The following WWOX variants were observed in gnomAD, a reference collection of about 807,000 sequenced individuals.
WWOX encodes the protein WW domain-containing oxidoreductase.
Under a neutral mutation model 46.2 loss-of-function variants are expected in WWOX, and 69 were observed. The ratio of observed to expected loss-of-function variants is 1.49; its 90% confidence interval spans 1.23 to 1.82. The LOEUF is 1.82. Ranked by LOEUF, WWOX falls within the 40% of genes most tolerant of loss-of-function variation. The probability of loss-of-function intolerance (pLI) is 0.00; values close to 1 mark genes in which losing one functional copy is unlikely to be tolerated. For synonymous variants in WWOX, 359 were observed against 202.6 expected (o/e 1.77, Z -6.56); for missense variants, 919 against 542.6 (o/e 1.69, Z -6.89).
chr16:78,725,994 T>C (rs372618198), intron 8 of WWOX, among the ~76,000 whole-genome samples: 7 of 150,968 alleles, frequency 4.6e-5, no homozygotes, highest in African/African-American at 1.7e-4. Context: ...TTCTCCTCCT[T>C]CTCCTTCTTC....
intron 8 of WWOX, among the ~76,000 whole-genome samples, chr16:79,085,753 A>G (rs1375016263): frequency 6.6e-6 from 1 of 152,216 alleles, no homozygotes; most frequent in Non-Finnish European, 1.5e-5. Flanking sequence ...ATTAGCAGAA[A>G]TGTAGTCAGT....
chr16:78,682,515 G>A (rs2047753526), intron 8 of WWOX, among the ~76,000 whole-genome samples: 1 of 152,090 alleles, frequency 6.6e-6, no homozygotes, highest in Non-Finnish European at 1.5e-5. Context: ...CCCAGGAGTT[G>A]GAGGCTGCAA....
chr16:78,529,437 C>T (rs1291075806), intron 8 of WWOX, among the ~76,000 whole-genome samples: 1 of 151,804 alleles, frequency 6.6e-6, no homozygotes, highest in African/African-American at 2.4e-5. Context: ...GTCCCGTGGG[C>T]TCTTTCTGGA....
intron 8 of WWOX, among the ~76,000 whole-genome samples, chr16:78,860,815 G>C (rs1330687757): frequency 6.6e-6 from 1 of 152,004 alleles, no homozygotes; most frequent in Admixed American, 6.6e-5. Flanking sequence ...CAGGCTATAG[G>C]GAGGATTTCT....
At chr16:78,362,873 G>C (rs8057163) in intron 5 of WWOX, among the ~76,000 whole-genome samples, 1 of 152,142 alleles carries the variant, frequency 6.6e-6, no homozygotes, top group African/African-American at 2.4e-5. Context: ...GTGAGTTTCC[G>C]AAGTTGCTAA....
At chr16:78,471,308 T>A (rs1353460785) in intron 8 of WWOX, among the ~76,000 whole-genome samples, 1 of 152,196 alleles carries the variant, frequency 6.6e-6, no homozygotes, top group Non-Finnish European at 1.5e-5. Context: ...TTCAGAGGGA[T>A]TCTGGGTAGC....
chr16:78,891,769 T>C (rs1385792356), intron 8 of WWOX: 1 of 141,672 alleles, frequency 7.1e-6, no homozygotes, highest in Admixed American at 6.7e-5. Context: ...AATCCACTGC[T>C]GGGTATTCTT....
chr16:78,736,785 T>A (rs570472744), intron 8 of WWOX, among the ~76,000 whole-genome samples: 38 of 152,164 alleles, frequency 2.5e-4, no homozygotes, highest in South Asian at 1.0e-3. Flanking sequence ...TTTTTAAAAA[T>A]TTTTTTAGAC....
At chr16:78,982,284 GA>G (rs1441151652) in intron 8 of WWOX, among the ~76,000 whole-genome samples, 8 of 152,290 alleles carry the variant, frequency 5.3e-5, no homozygotes, top group African/African-American at 1.7e-4. Flanking sequence ...GAATCACTTT[GA>G]CTTTGAAAGC....
chr16:78,418,478 C>G (rs944534756), intron 6 of WWOX, among the ~76,000 whole-genome samples: 1 of 151,908 alleles, frequency 6.6e-6, no homozygotes, highest in African/African-American at 2.4e-5. Flanking sequence ...ACTCTGACAA[C>G]AGAGGCAGAC....
At chr16:78,109,670 G>T in intron 2 of WWOX, 108 bp from the exon 3 acceptor site, 1 of 1,077,306 alleles carries the variant, frequency 9.3e-7, no homozygotes, top group Non-Finnish European at 1.4e-6. Context: ...CTGCTGGGTG[G>T]GAGGGACAGG....
At chr16:78,733,150 G>A (rs1195883487) in intron 8 of WWOX, among the ~76,000 whole-genome samples, 2 of 152,030 alleles carry the variant, frequency 1.3e-5, no homozygotes, top group Non-Finnish European at 2.9e-5. Context: ...ATTTACTTAT[G>A]TTTTTATGCA....
chr16:78,842,432 G>T lies in WWOX; in HGVS notation c.1057-369176G>T, dbSNP rs375844222. 1.4e-4 allele frequency among the ~76,000 whole-genome samples: 21 copies of T among 152,160 alleles called. No homozygotes were observed. In the South Asian group the frequency reaches 4.2e-3, roughly 30 times the overall value. On this transcript the variant is annotated intron_variant, in intron 8 of 8. Coordinates refer to ENST00000566780, the MANE Select transcript of WWOX (RefSeq NM_016373.4). ...ATGGGAGAATTGCTTGAGGCTGGATGTGTGTGGCTATGGTGAGCTAGGATC... is the reference window on the plus strand; with the variant it reads ...ATGGGAGAATTGCTTGAGGCTGGATTTGTGTGGCTATGGTGAGCTAGGATC...
intron 8 of WWOX, among the ~76,000 whole-genome samples, chr16:78,785,570 A>G (rs1265529358): frequency 1.3e-5 from 2 of 152,256 alleles, no homozygotes; most frequent in Non-Finnish European, 2.9e-5. Context: ...GAAGAAGAAT[A>G]GTATACACAG....
chr16:79,084,419 A>C (rs1026526210), intron 8 of WWOX, among the ~76,000 whole-genome samples: 1 of 152,188 alleles, frequency 6.6e-6, no homozygotes, highest in Non-Finnish European at 1.5e-5. Flanking sequence ...ACAGCTTATG[A>C]CAAGTAATTT....
chr16:78,568,203 A>C (rs1459077334), intron 8 of WWOX, among the ~76,000 whole-genome samples: 1 of 152,168 alleles, frequency 6.6e-6, no homozygotes, highest in Non-Finnish European at 1.5e-5. Context: ...CTTCTGAACA[A>C]CATCGGCTGT....
At chr16:78,945,532 C>G (rs1439312778) in intron 8 of WWOX, among the ~76,000 whole-genome samples, 3 of 152,152 alleles carry the variant, frequency 2.0e-5, no homozygotes, top group Non-Finnish European at 4.4e-5. Flanking sequence ...TGTTTATATA[C>G]CCGGCCACTT....
intron 8 of WWOX, among the ~76,000 whole-genome samples, chr16:79,184,108 C>T (rs1484678373): frequency 6.6e-6 from 1 of 152,120 alleles, no homozygotes; most frequent in Non-Finnish European, 1.5e-5. Flanking sequence ...CAGCAATTGC[C>T]AGCACAATCA....
In WWOX at chr16:78,112,509, C is replaced by G. The variant is rs192715471; in HGVS notation, c.231-2467C>G. Among the ~76,000 whole-genome samples, 368 of 152,144 alleles carry G rather than the reference C, an allele frequency of 2.4e-3. 2 individuals are homozygous for G. Among genetic ancestry groups the G allele is most frequent in the African/African-American group, 8.5e-3 (354 of 41,508 alleles). On this transcript the variant is annotated intron_variant, in intron 3 of 8. Transcript: ENST00000566780. ...CCAAAGCTTGCTTGAGAGAAGTCTC[C>G]CAGGCCACCATAGGCAGCCCCAGGA...
Sources: allele counts gnomAD v4.1 joint callset (sites outside exome capture counted in the v4.1 genomes callset), GRCh38; gene constraint gnomAD v4.1.1; transcripts MANE v1.5; gene names NCBI Gene and HGNC (gene_info 2026-07-23, HGNC 2026-07-21).